The following LRRC56 variants were observed in gnomAD, a reference collection of about 807,000 sequenced individuals.
LRRC56 encodes leucine-rich repeat-containing protein 56.
In LRRC56, 41 loss-of-function variants were observed where a neutral mutation model predicts 47.8. The observed-to-expected ratio is 0.86, with a 90% CI of 0.67 to 1.11. The LOEUF is 1.11. LRRC56 is among the 50% of genes most tolerant of loss of function. LRRC56 has a pLI of 0.00. For synonymous variants in LRRC56, 387 were observed against 311.2 expected (o/e 1.24, Z -2.56); for missense variants, 759 against 704.2 (o/e 1.08, Z -0.88).
intron 6 of LRRC56, among the ~76,000 whole-genome samples, chr11:548,551 C>T (rs955885764): frequency 2.0e-5 from 3 of 152,230 alleles, no homozygotes; most frequent in South Asian, 2.1e-4. Context: ...TCCACCTCCC[C>T]GGTTCAAGCG....
At chr11:507,522 G>A in the LRRC56 span, among the ~76,000 whole-genome samples, 1 of 152,184 alleles carries the variant, frequency 6.6e-6, no homozygotes, top group Non-Finnish European at 1.5e-5. Flanking sequence ...GCCTCGCACT[G>A]GCACGCAAGT....
the LRRC56 span, among the ~76,000 whole-genome samples, chr11:507,956 C>T: frequency 1.2e-4 from 19 of 152,266 alleles, no homozygotes; most frequent in Admixed American, 5.2e-4. Flanking sequence ...GCCTGGAGCC[C>T]TGGCACTGAG....
At chr11:520,888 A>G in the LRRC56 span, among the ~76,000 whole-genome samples, 1 of 152,158 alleles carries the variant, frequency 6.6e-6, no homozygotes, top group African/African-American at 2.4e-5. Context: ...CCCACCCGCC[A>G]GCTGCTGGTT....
chr11:517,990 C>T, the LRRC56 span, among the ~76,000 whole-genome samples: 15 of 152,100 alleles, frequency 9.9e-5, no homozygotes, highest in Non-Finnish European at 1.9e-4. Context: ...AGAGTCATCA[C>T]CATTCCCTAA....
Position 554,351 on chromosome 11 carries a change from A to C in LRRC56, c.*75A>C. The C allele has an allele frequency of 7.7e-7, 1 of 1,295,750 alleles. No homozygotes were observed. Among genetic ancestry groups the C allele is most frequent in the Non-Finnish European group, 1.0e-6 (1 of 989,792 alleles). 80.3% of individuals were successfully genotyped at this position (1,295,750 alleles called of 1,614,324 possible). A position where few individuals can be genotyped will look rare whatever the true frequency, so the allele number is the denominator to read the frequency against. ...CATATGTGGTCACAGAGCACAGAAT[A>C]CCTGGGCGGGTGTGTTGGGGGGTGG... On this transcript the variant is annotated 3_prime_UTR_variant, in exon 14 of 14. Coordinates refer to ENST00000270115, the MANE Select transcript of LRRC56 (RefSeq NM_198075.4).
chr11:539,288 C>T (rs532129706), intron 2 of LRRC56, among the ~76,000 whole-genome samples: 32 of 151,054 alleles, frequency 2.1e-4, no homozygotes, highest in East Asian at 1.6e-3. Context: ...GGTTTCACCT[C>T]GTTAGCCAGG....
intron 13 of LRRC56, among the ~76,000 whole-genome samples, chr11:553,442 G>A (rs1009280628): frequency 2.6e-5 from 4 of 152,150 alleles, no homozygotes; most frequent in Non-Finnish European, 4.4e-5. Flanking sequence ...CAGACAGAGG[G>A]GTCAACAGCT....
chr11:553,987 AC>A lies in LRRC56; in HGVS notation c.1342del (p.Leu448TrpfsTer52). 1 of 1,612,146 alleles carries A rather than the reference AC, an allele frequency of 6.2e-7. No individual in the cohort carries two copies. Among genetic ancestry groups the A allele is most frequent in the Non-Finnish European group, 8.5e-7 (1 of 1,179,706 alleles). ...GAGCCCTCCGGGACCTCGAGCCAGC[AC>A]CTGGTCCCTTCACCTCCCAAGCACC... ...ASEPSGTSSQHLVPSPPKHPR... is the reference protein window; with the variant it reads ...ASEPSGTSSQXLVPSPPKHPR... On this transcript the variant is annotated frameshift_variant, in exon 14 of 14. Coordinates refer to ENST00000270115, the MANE Select transcript of LRRC56 (RefSeq NM_198075.4). LOFTEE classifies it low-confidence loss of function (END_TRUNC).
At chr11:518,963 TGCGGCCCCAAGAC>T in the LRRC56 span, among the ~76,000 whole-genome samples, 34 of 151,688 alleles carry the variant, frequency 2.2e-4, no homozygotes, top group African/African-American at 6.5e-4. Flanking sequence ...GAGGGGAACT[TGCGGCCCCAAGAC>T]GCGGCGCGCT....
chr11:511,335 AAAG>A, the LRRC56 span, among the ~76,000 whole-genome samples: 109 of 151,504 alleles, frequency 7.2e-4, no homozygotes, highest in African/African-American at 1.9e-3. Context: ...AAAAAAAAAA[AAAG>A]AAATGGGAAA....
rs746762994 is a variant in LRRC56, at chr11:540,721, C to T, written c.37C>T (p.Arg13Trp). 36 of 1,612,476 alleles carry T rather than the reference C, an allele frequency of 2.2e-5. No homozygotes were observed. In the South Asian group the frequency reaches 2.6e-4, roughly 12 times the overall value. ...LGWDRSRGPR[R>W]STSSVRVREL... ...CTGGGACAGATCCCGTGGGCCTCGG[C>T]GGAGCACCTCCAGCGTCCGGGTGCG... Residue 13 changes from arginine (R) to tryptophan (W), a missense_variant, in exon 4 of 14, where the codon CGG (arginine) becomes TGG (tryptophan). Coordinates refer to ENST00000270115, the MANE Select transcript of LRRC56 (RefSeq NM_198075.4).
At position 554,487 on chromosome 11, in the gene LRRC56, T is replaced by G; in HGVS notation, c.*211T>G. ...CCCAGTTTAGGCCCCCAACTGGGTT[T>G]GGCCTGGGGAGGGAGGGTCCGGCTC... On this transcript the variant is annotated 3_prime_UTR_variant, in exon 14 of 14. Transcript: ENST00000270115. The G allele has an allele frequency of 2.4e-6, 1 of 410,964 alleles. No individual in the cohort carries two copies. Among genetic ancestry groups the G allele is most frequent in the Non-Finnish European group, 4.1e-6 (1 of 241,520 alleles). 25.5% of individuals were successfully genotyped at this position (410,964 alleles called of 1,614,324 possible).
chr11:511,104 A>G, the LRRC56 span, among the ~76,000 whole-genome samples: 67 of 152,052 alleles, frequency 4.4e-4, no homozygotes, highest in Middle Eastern at 3.4e-3. Flanking sequence ...GGCGGATCAC[A>G]AGGTCAGGAG....
intron 13 of LRRC56, 152 bp downstream of exon 13, chr11:552,854 G>C (rs1589820205): frequency 1.4e-6 from 1 of 711,580 alleles, no homozygotes; most frequent in East Asian, 2.8e-5. Context: ...GCCCCCTTCT[G>C]GGGGTGGGGG....
chr11:544,652 G>A (rs770491065), intron 5 of LRRC56, 68 bp from the exon 6 acceptor site: 3 of 1,528,210 alleles, frequency 2.0e-6, no homozygotes, highest in Non-Finnish European at 2.7e-6. Flanking sequence ...ATGCCTAGGG[G>A]TGAAGGAGGG....
chr11:551,122 C>T lies in LRRC56; in HGVS notation c.625-9C>T, dbSNP rs1299750829. 3 of 1,431,620 alleles carry T rather than the reference C, an allele frequency of 2.1e-6. No homozygotes were observed. Among genetic ancestry groups the T allele is most frequent in the South Asian group, 1.4e-5 (1 of 71,440 alleles). 88.7% of individuals were successfully genotyped at this position (1,431,620 alleles called of 1,614,324 possible). A position where few individuals can be genotyped will look rare whatever the true frequency, so the allele number is the denominator to read the frequency against. On this transcript the variant is annotated splice_polypyrimidine_tract_variant and intron_variant, in intron 8 of 13. Transcript: ENST00000270115. The stretch of plus-strand genomic sequence containing the variant: ...CCTGCCCTCCCTCCCCCTCCCCCTC[C>T]CCCTGCAGGTGCCCAGGGGCTACAA...
At chr11:549,773 G>A (rs192670940) in intron 6 of LRRC56, 129 bp from the exon 7 acceptor site, 38 of 702,074 alleles carry the variant, frequency 5.4e-5, no homozygotes, top group Admixed American at 1.3e-4. Flanking sequence ...AAGGCAGAGA[G>A]CCCCTTCCTC....
chr11:540,613 G>C (rs1851743328), intron 3 of LRRC56, 61 bp from the exon 4 acceptor site: 4 of 1,474,224 alleles, frequency 2.7e-6, no homozygotes, highest in Middle Eastern at 2.0e-4. Context: ...CAGGGTCTCA[G>C]CCGGGCTGCA....
At chr11:540,632 G>A (rs1851744096) in intron 3 of LRRC56, 42 bp from the exon 4 acceptor site, 4 of 1,559,992 alleles carry the variant, frequency 2.6e-6, no homozygotes, top group East Asian at 2.3e-5. Flanking sequence ...CAGAGGAGGA[G>A]GAGCAACAGC....
Sources: gnomAD v4.1 joint callset for allele counts (sites outside exome capture counted in the v4.1 genomes callset) on GRCh38, gnomAD v4.1.1 for gene constraint, MANE v1.5 for transcripts, NCBI Gene and HGNC (gene_info 2026-07-23, HGNC 2026-07-21) for gene names.